The following IP6K1 variants were observed in gnomAD, a reference collection of about 807,000 sequenced individuals.
The protein encoded by IP6K1 is inositol hexakisphosphate kinase 1, also known as ATP:1D-myo-inositol-hexakisphosphate phosphotransferase.
IP6K1 carries 13 observed loss-of-function variants against 38.3 expected under a neutral mutation model. That is an observed-to-expected ratio of 0.34 (90% CI 0.22 to 0.54). IP6K1 has a LOEUF of 0.54. Among genes scored for constraint, IP6K1 ranks in the 20% least tolerant of loss-of-function variants. The pLI is 0.92. For missense variants in IP6K1, 397 were observed against 599.8 expected (o/e 0.66, Z 3.53); for synonymous variants, 212 against 229.9 (o/e 0.92, Z 0.70).
chr3:49,769,289 A>G (rs1419399048), intron 1 of IP6K1, among the ~76,000 whole-genome samples: 3 of 152,314 alleles, frequency 2.0e-5, no homozygotes, highest in East Asian at 3.9e-4. Flanking sequence ...TATGGTAATA[A>G]AAAGAAACTG....
At chr3:49,728,684 T>G (rs986018051) in intron 4 of IP6K1, among the ~76,000 whole-genome samples, 1 of 151,908 alleles carries the variant, frequency 6.6e-6, no homozygotes, top group Non-Finnish European at 1.5e-5. Flanking sequence ...CAAGCTATTC[T>G]CCTGCCTCGG....
At chr3:49,733,458 G>A (rs1029765412) in intron 3 of IP6K1, among the ~76,000 whole-genome samples, 3 of 152,086 alleles carry the variant, frequency 2.0e-5, no homozygotes, top group Non-Finnish European at 4.4e-5. Flanking sequence ...GACACTTTAC[G>A]TCAACATTCA....
intron 1 of IP6K1, among the ~76,000 whole-genome samples, chr3:49,757,016 C>A (rs748754067): frequency 5.9e-5 from 9 of 152,120 alleles, no homozygotes; most frequent in Admixed American, 4.6e-4. Flanking sequence ...ATGGTCAAAT[C>A]TAGAAAGCAC....
chr3:49,742,276 A>G (rs143952533), intron 2 of IP6K1, among the ~76,000 whole-genome samples: 102 of 152,338 alleles, frequency 6.7e-4, no homozygotes, highest in African/African-American at 2.0e-3. Flanking sequence ...TAGGCTGGGC[A>G]CGGTGGCTTA....
chr3:49,734,400 T>C (rs1044237233), intron 3 of IP6K1, among the ~76,000 whole-genome samples: 1 of 140,538 alleles, frequency 7.1e-6, no homozygotes, highest in East Asian at 2.1e-4. Context: ...ATTTCTTTTT[T>C]TTTTTTTTTT....
chr3:49,769,119 G>C (rs922246633), intron 1 of IP6K1, among the ~76,000 whole-genome samples: 1 of 152,012 alleles, frequency 6.6e-6, no homozygotes, highest in African/African-American at 2.4e-5. Flanking sequence ...AGTAAAGAAG[G>C]CATAAATCAA....
chr3:49,758,217 A>C (rs1372132503), intron 1 of IP6K1, among the ~76,000 whole-genome samples: 2 of 149,278 alleles, frequency 1.3e-5, no homozygotes, highest in African/African-American at 4.9e-5. Flanking sequence ...GACAGGCTGA[A>C]GCAGGAGAAT....
At chr3:49,734,788 C>G (rs1439553990) in intron 3 of IP6K1, among the ~76,000 whole-genome samples, 1 of 152,144 alleles carries the variant, frequency 6.6e-6, no homozygotes, top group Admixed American at 6.5e-5. Flanking sequence ...AAGTTCTCTG[C>G]GTCTGGATGA....
intron 1 of IP6K1, among the ~76,000 whole-genome samples, chr3:49,781,171 A>G (rs987304261): frequency 1.3e-5 from 2 of 151,370 alleles, no homozygotes; most frequent in African/African-American, 4.9e-5. Context: ...AAGTGATTCT[A>G]CTGCTTCAAT....
chr3:49,746,631 C>T lies in IP6K1; in HGVS notation c.223+1187G>A, dbSNP rs140846926. 4.9e-3 allele frequency among the ~76,000 whole-genome samples: 720 copies of T among 147,668 alleles called. 9 individuals are homozygous for T. Among genetic ancestry groups the T allele is most frequent in the African/African-American group, 0.016 (653 of 39,842 alleles). On this transcript the variant is annotated intron_variant, in intron 2 of 5. Coordinates refer to ENST00000321599, the MANE Select transcript of IP6K1 (RefSeq NM_153273.4). ...TGGAGGTTGCAGTAAACCAAGATCG[C>T]GCCACTGCACTCTAGCCTGGCAACA...
At chr3:49,743,241 T>TA (rs2080687872) in intron 2 of IP6K1, among the ~76,000 whole-genome samples, 1 of 137,196 alleles carries the variant, frequency 7.3e-6, no homozygotes, top group Non-Finnish European at 1.6e-5. Context: ...AAAAACAAAA[T>TA]ACACACACAC....
intron 2 of IP6K1, among the ~76,000 whole-genome samples, chr3:49,742,655 T>C (rs764832015): frequency 5.9e-5 from 9 of 152,124 alleles, no homozygotes; most frequent in Admixed American, 2.6e-4. Context: ...TCCCAGCACA[T>C]TGGGAGGCCA....
intron 2 of IP6K1, among the ~76,000 whole-genome samples, chr3:49,740,228 CTTTTTTTTT>C (rs71080547): frequency 2.6e-5 from 2 of 76,510 alleles, no homozygotes; most frequent in African/African-American, 4.7e-5. Context: ...ATTTGCAATT[CTTTTTTTTT>C]TTTTTTTTTT....
At chr3:49,776,177 T>C (rs2081007141) in intron 1 of IP6K1, among the ~76,000 whole-genome samples, 1 of 151,978 alleles carries the variant, frequency 6.6e-6, no homozygotes, top group African/African-American at 2.4e-5. Flanking sequence ...GTTTATTTTC[T>C]GGTAAAATAA....
At chr3:49,751,050 C>T (rs2080772751) in intron 1 of IP6K1, among the ~76,000 whole-genome samples, 1 of 152,168 alleles carries the variant, frequency 6.6e-6, no homozygotes, top group South Asian at 2.1e-4. Flanking sequence ...TCCAAGTCTC[C>T]TCACACTCCT....
chr3:49,751,154 T>TG (rs1252530912), intron 1 of IP6K1, among the ~76,000 whole-genome samples: 11 of 26,046 alleles, frequency 4.2e-4, no homozygotes, highest in African/African-American at 5.0e-4. Flanking sequence ...ACTCCTTTTT[T>TG]TTTTGTTGTT....
chr3:49,747,832 G>A lies in IP6K1; in HGVS notation c.209C>T (p.Thr70Ile). Residue 70 changes from threonine to isoleucine, a missense_variant, in exon 2 of 6, where the codon ACC becomes ATC. Thr to Ile is a moderately conservative substitution (Grantham distance 89). Around this residue, in one of 3 missense-constraint regions of IP6K1, gnomAD observed 171 missense variants for 237.0 expected, o/e 0.72. Coordinates refer to ENST00000321599, the MANE Select transcript of IP6K1 (RefSeq NM_153273.4). Reference protein sequence around the residue: ...ESLPPEMKEFTPEYKGVVSVC... With the variant: ...ESLPPEMKEFIPEYKGVVSVC... Reference sequence around the variant, plus strand: ...CAGTGACTGACCTTTGTATTCAGGGGTGAACTCCTTCATTTCGGGAGGGAG... The same window carrying A: ...CAGTGACTGACCTTTGTATTCAGGGATGAACTCCTTCATTTCGGGAGGGAG... 2 of 1,614,112 alleles carry A rather than the reference G, an allele frequency of 1.2e-6. No homozygotes were observed. The highest frequency in any genetic ancestry group is 1.7e-6 in the Non-Finnish European group (2 of 1,179,990).
At chr3:49,776,766 ACT>A (rs961366659) in intron 1 of IP6K1, among the ~76,000 whole-genome samples, 4 of 152,178 alleles carry the variant, frequency 2.6e-5, no homozygotes, top group African/African-American at 7.2e-5. Flanking sequence ...GAAAATACAA[ACT>A]CTGTGAATAA....
At chr3:49,757,445 T>C (rs2080833524) in intron 1 of IP6K1, among the ~76,000 whole-genome samples, 1 of 152,154 alleles carries the variant, frequency 6.6e-6, no homozygotes, top group African/African-American at 2.4e-5. Flanking sequence ...CTATCTCTGC[T>C]AGGCAGGGTG....
Sources: allele counts gnomAD v4.1 joint callset (sites outside exome capture counted in the v4.1 genomes callset), GRCh38; gene constraint gnomAD v4.1.1; regional missense constraint gnomAD v4.1.1; transcripts MANE v1.5; gene names NCBI Gene and HGNC (gene_info 2026-07-23, HGNC 2026-07-21).